STRN3: variants seen among roughly 807,000 people sequenced by gnomAD.
STRN3 encodes striatin 3.
STRN3 carries 29 observed loss-of-function variants against 95.6 expected under a neutral mutation model. The ratio of observed to expected loss-of-function variants is 0.30; its 90% CI spans 0.23 to 0.41. The LOEUF (loss-of-function observed/expected upper bound fraction) is 0.41. Ranked by LOEUF, STRN3 falls within the 10% of genes least tolerant of loss-of-function variation. The probability of loss-of-function intolerance (pLI) is 1.00; values close to 1 mark genes in which losing one functional copy is unlikely to be tolerated. For synonymous variants in STRN3, 331 were observed against 357.6 expected, an observed-to-expected ratio of 0.93 and a Z score of 0.84; for missense variants, 890 against 972.1, an observed-to-expected ratio of 0.92 and a Z score of 1.12.
chr14:30,906,827 C>A lies in STRN3; in HGVS notation c.1888+50G>T, dbSNP rs1271428386. On this transcript the variant is annotated intron_variant, in intron 14 of 17. Coordinates refer to ENST00000357479, the MANE Select transcript of STRN3 (RefSeq NM_001083893.2). ...TCAATTACTTTGTCCTTTATATATT[C>A]CAATTTTTTAAAAAAACTAACTTTT... The A allele has an allele frequency of 3.2e-6, 5 of 1,547,492 alleles. No individual in the cohort carries two copies. The Admixed American group carries it at 7.3e-5, about 23-fold the overall frequency.
chr14:30,986,383 T>C (rs1408274555), intron 1 of STRN3, among the ~76,000 whole-genome samples: 1 of 152,234 alleles, frequency 6.6e-6, no homozygotes, highest in African/African-American at 2.4e-5. Flanking sequence ...ATGTTTTACT[T>C]AGAAATGTGT....
intron 1 of STRN3, among the ~76,000 whole-genome samples, chr14:30,989,229 G>C (rs967160685): frequency 6.6e-6 from 1 of 152,082 alleles, no homozygotes; most frequent in African/African-American, 2.4e-5. Context: ...GCCCAGCCTG[G>C]ACCCTGCCAC....
intron 10 of STRN3, among the ~76,000 whole-genome samples, chr14:30,912,845 C>A (rs927490646): frequency 1.3e-5 from 2 of 151,780 alleles, no homozygotes; most frequent in Admixed American, 6.6e-5. Flanking sequence ...AAGGCTGTCT[C>A]TAAGCATGCT....
intron 3 of STRN3, 40 bp from the exon 4 acceptor site, chr14:30,950,984 C>T (rs1037945753): frequency 4.5e-6 from 7 of 1,549,192 alleles, no homozygotes; most frequent in African/African-American, 1.4e-5. Context: ...TACTTTATTT[C>T]GACTCCTGAA....
At chr14:30,918,391 C>A (rs1268327152) in intron 9 of STRN3, among the ~76,000 whole-genome samples, 1 of 151,916 alleles carries the variant, frequency 6.6e-6, no homozygotes, top group Admixed American at 6.6e-5. Flanking sequence ...CGCCTATAGT[C>A]CCAGCTACTT....
At chr14:30,990,902 GTCCTT>G (rs1881922402) in intron 1 of STRN3, among the ~76,000 whole-genome samples, 1 of 152,294 alleles carries the variant, frequency 6.6e-6, no homozygotes, top group Admixed American at 6.5e-5. Flanking sequence ...AGATGCAACA[GTCCTT>G]TCTTTTCCTT....
At chr14:31,003,597 A>T (rs1269347721) in intron 1 of STRN3, among the ~76,000 whole-genome samples, 1 of 152,088 alleles carries the variant, frequency 6.6e-6, no homozygotes, top group Non-Finnish European at 1.5e-5. Flanking sequence ...CAATCTCTGT[A>T]CGCACTGCTT....
intron 1 of STRN3, among the ~76,000 whole-genome samples, chr14:30,963,557 C>T (rs771536108): frequency 3.3e-5 from 5 of 152,132 alleles, no homozygotes; most frequent in African/African-American, 7.2e-5. Flanking sequence ...TACAGGCACA[C>T]GCCACCAAAC....
chr14:30,906,798 T>A, intron 14 of STRN3, 79 bp downstream of exon 14: 1 of 1,358,556 alleles, frequency 7.4e-7, no homozygotes. Context: ...AGTAAAGAAA[T>A]ACATCAATTA....
rs59422440 is a variant in STRN3 at position 30,965,787 on chromosome 14, A to C, written c.283-9545T>G. Among the ~76,000 whole-genome samples the C allele has an allele frequency of 8.5e-3, 1,252 of 147,876 alleles. 8 individuals carry two copies. The highest frequency in any genetic ancestry group is 0.014 in the Non-Finnish European group (933 of 66,864). ...CCATCTCAAAAAAAAAAAAAAAAAA[A>C]AACAACAAACAAAAGTGCATGGGGC... On this transcript the variant is annotated intron_variant, in intron 1 of 17. Transcript: ENST00000357479.
At chr14:30,985,449 C>T (rs1881640489) in intron 1 of STRN3, among the ~76,000 whole-genome samples, 1 of 152,034 alleles carries the variant, frequency 6.6e-6, no homozygotes, top group African/African-American at 2.4e-5. Context: ...ACTAAAAATA[C>T]AAAAAGTAGC....
At chr14:30,998,175 T>C (rs1156362076) in intron 1 of STRN3, among the ~76,000 whole-genome samples, 1 of 152,114 alleles carries the variant, frequency 6.6e-6, no homozygotes, top group African/African-American at 2.4e-5. Flanking sequence ...TATCTGGTGG[T>C]TCTGTGGAAG....
intron 7 of STRN3, among the ~76,000 whole-genome samples, chr14:30,933,300 A>AC (rs1485430453): frequency 9.3e-5 from 14 of 150,622 alleles, no homozygotes; most frequent in Non-Finnish European, 1.9e-4. Flanking sequence ...AAAAAAAAAA[A>AC]AAAAACGATG....
chr14:31,011,342 T>C (rs1031152726), intron 1 of STRN3, among the ~76,000 whole-genome samples: 2 of 152,156 alleles, frequency 1.3e-5, no homozygotes, highest in African/African-American at 4.8e-5. Context: ...AGACATCTAT[T>C]ATGTGCCAGA....
chr14:30,939,647 T>C (rs1878997207), intron 5 of STRN3, among the ~76,000 whole-genome samples: 1 of 152,074 alleles, frequency 6.6e-6, no homozygotes, highest in African/African-American at 2.4e-5. Context: ...GCCAAATAGT[T>C]CTAAATAAAT....
chr14:30,953,594 G>A (rs1294016751), intron 3 of STRN3, among the ~76,000 whole-genome samples: 1 of 152,044 alleles, frequency 6.6e-6, no homozygotes, highest in Non-Finnish European at 1.5e-5. Context: ...ACATATATAT[G>A]CTTTTTGAGG....
intron 1 of STRN3, among the ~76,000 whole-genome samples, chr14:30,977,661 T>C (rs1050910524): frequency 3.3e-5 from 5 of 149,964 alleles, no homozygotes; most frequent in Admixed American, 1.3e-4. Flanking sequence ...GGTGTGGTGG[T>C]GGGCGCCTGT....
rs753867662 is a variant in STRN3 at position 30,929,225 on chromosome 14, G to A, written c.1075C>T (p.Arg359Ter). ...CTCTTCACCCCTTTCTTCCCCTTTC[G>A]TTCCTTCTTGTACTGTTCCTTCAGT... ...SKLKEQYKKERKGKKGVKRAN... is the reference protein window; with the variant it reads ...SKLKEQYKKE Residue 359 changes from arginine to a stop codon, truncating the protein, a stop_gained, in exon 8 of 18, where the codon CGA becomes TGA. Coordinates refer to ENST00000357479, the MANE Select transcript of STRN3 (RefSeq NM_001083893.2). LOFTEE classifies it high-confidence loss of function. 3.5e-5 allele frequency: 56 copies of A among 1,607,788 alleles called. No homozygotes were observed. Among genetic ancestry groups the A allele is most frequent in the South Asian group, 8.9e-5 (8 of 89,914 alleles).
chr14:31,000,842 G>C (rs200816615), intron 1 of STRN3, among the ~76,000 whole-genome samples: 6 of 146,924 alleles, frequency 4.1e-5, no homozygotes, highest in African/African-American at 1.5e-4. Context: ...AGCCGATGAA[G>C]AAAAAAAAAA....
Sources: gnomAD v4.1 joint callset for allele counts (sites outside exome capture counted in the v4.1 genomes callset) on GRCh38, gnomAD v4.1.1 for gene constraint, MANE v1.5 for transcripts, NCBI Gene and HGNC (gene_info 2026-07-23, HGNC 2026-07-21) for gene names.